COL14A1: variants seen among roughly 807,000 people sequenced by gnomAD.
COL14A1 encodes collagen type XIV alpha 1 chain, also known as collagen alpha-1(XIV) chain.
COL14A1 carries 136 observed loss-of-function variants against 230.3 expected under a neutral mutation model. The ratio of observed to expected loss-of-function variants is 0.59; its 90% confidence interval spans 0.51 to 0.68. COL14A1 has a LOEUF of 0.68. COL14A1 is among the 30% of genes least tolerant of loss of function. The probability of loss-of-function intolerance (pLI) is 0.00; values close to 1 mark genes in which losing one functional copy is unlikely to be tolerated. For missense variants in COL14A1, 1,976 were observed against 2,215.8 expected (o/e 0.89, Z 2.17); for synonymous variants, 792 against 784.1 (o/e 1.01, Z -0.17).
At chr8:120,278,266 A>G (rs1243473680) in intron 27 of COL14A1, 32 bp downstream of exon 27, 2 of 1,573,816 alleles carry the variant, frequency 1.3e-6, no homozygotes, top group South Asian at 1.2e-5. Context: ...CTAAGGCTCA[A>G]AGTAATTCAT....
chr8:120,135,453 T>G (rs1814677730), intron 1 of COL14A1, among the ~76,000 whole-genome samples: 1 of 152,074 alleles, frequency 6.6e-6, no homozygotes, highest in Admixed American at 6.6e-5. Context: ...TTAGTAGAGA[T>G]GGGGTGTCAC....
At chr8:120,237,180 C>T (rs1468760845) in intron 19 of COL14A1, among the ~76,000 whole-genome samples, 1 of 152,178 alleles carries the variant, frequency 6.6e-6, no homozygotes, top group East Asian at 1.9e-4. Flanking sequence ...GGGAAGTTCT[C>T]CTGGATAATA....
At chr8:120,133,133 G>A (rs770187093) in intron 1 of COL14A1, among the ~76,000 whole-genome samples, 4 of 151,484 alleles carry the variant, frequency 2.6e-5, no homozygotes, top group Non-Finnish European at 4.4e-5. Flanking sequence ...GGAGAATGGC[G>A]TGAACCCGGG....
In COL14A1 at chr8:120,370,242, A is replaced by G. The variant is rs1298491701; in HGVS notation, c.5311+757A>G. On this transcript the variant is annotated intron_variant, in intron 47 of 47. Coordinates refer to ENST00000297848, the MANE Select transcript of COL14A1 (RefSeq NM_021110.4). ...CTTCAGTAGAAATTTAACCTTAGTT[A>G]TCACAGGAATTGGTCAACAAAGTTT... The G allele has an allele frequency of 6.1e-6, 8 of 1,301,266 alleles. No homozygotes were observed. In the East Asian group the frequency reaches 1.9e-4, roughly 32 times the overall value. 80.6% of individuals were successfully genotyped at this position (1,301,266 alleles called of 1,614,324 possible). A position where few individuals can be genotyped will look rare whatever the true frequency, so the allele number is the denominator to read the frequency against.
intron 34 of COL14A1, among the ~76,000 whole-genome samples, chr8:120,292,279 A>G (rs1820397330): frequency 6.6e-6 from 1 of 152,164 alleles, no homozygotes; most frequent in Non-Finnish European, 1.5e-5. Context: ...ACTTTTGGCC[A>G]TGAGAGAAAT....
intron 40 of COL14A1, among the ~76,000 whole-genome samples, chr8:120,330,999 G>A (rs1434019412): frequency 2.6e-5 from 4 of 151,798 alleles, no homozygotes; most frequent in Non-Finnish European, 4.4e-5. Context: ...CACCTACTTC[G>A]GAGGCTGAGA....
At chr8:120,250,093 G>A (rs4871052) in intron 21 of COL14A1, among the ~76,000 whole-genome samples, 1 of 152,178 alleles carries the variant, frequency 6.6e-6, no homozygotes, top group Admixed American at 6.5e-5. Context: ...CTAATCAAGG[G>A]CCTTGGAATA....
chr8:120,209,480 C>G (rs28733025), intron 11 of COL14A1, among the ~76,000 whole-genome samples: 1,954 of 152,264 alleles, frequency 0.013, 53 homozygotes, highest in African/African-American at 0.045. Flanking sequence ...TCATAGATCC[C>G]TGTACAAGGA....
At chr8:120,229,014 G>A (rs1818177667) in intron 18 of COL14A1, among the ~76,000 whole-genome samples, 1 of 151,592 alleles carries the variant, frequency 6.6e-6, no homozygotes, top group Non-Finnish European at 1.5e-5. Context: ...TCTTTGTCTG[G>A]ATGCTCATGC....
intron 23 of COL14A1, among the ~76,000 whole-genome samples, chr8:120,259,196 T>C (rs372100305): frequency 4.6e-5 from 7 of 152,160 alleles, no homozygotes; most frequent in East Asian, 1.9e-4. Context: ...ATGGGGAGTA[T>C]AATTATTTAT....
rs553990675 is a variant in COL14A1 at position 120,276,112 on chromosome 8, T to TTA, written c.3214-1989_3214-1988dup. Among the ~76,000 whole-genome samples the TTA allele has an allele frequency of 1.6e-3, 241 of 150,646 alleles. 1 individual carries two copies. The highest frequency in any genetic ancestry group is 5.5e-3 in the African/African-American group (227 of 41,140). On this transcript the variant is annotated intron_variant, in intron 26 of 47. Coordinates refer to ENST00000297848, the MANE Select transcript of COL14A1 (RefSeq NM_021110.4). ...TGTCATCCAATGAGTAAAGACAATG[T>TTA]TATATATATATGTAAAAAAATATAT... is the stretch of plus-strand genomic sequence containing the variant.
intron 36 of COL14A1, among the ~76,000 whole-genome samples, chr8:120,308,433 A>G (rs1820919069): frequency 6.6e-6 from 1 of 152,260 alleles, no homozygotes; most frequent in South Asian, 2.1e-4. Context: ...TGCTATAATA[A>G]AAAATCACTA....
intron 5 of COL14A1, among the ~76,000 whole-genome samples, chr8:120,177,694 C>CTATATATATATATA (rs3030325): frequency 3.1e-5 from 4 of 129,388 alleles, no homozygotes; most frequent in Non-Finnish European, 4.8e-5. Context: ...TATAAAAAGA[C>CTATATATATATATA]TATATATATA....
intron 3 of COL14A1, 124 bp from the exon 4 acceptor site, chr8:120,162,302 A>G: frequency 1.4e-6 from 1 of 698,258 alleles, no homozygotes; most frequent in Non-Finnish European, 2.3e-6. Flanking sequence ...AAATATATAC[A>G]ATAAAACACA....
intron 12 of COL14A1, 21 bp downstream of exon 12, chr8:120,209,922 A>G (rs367645045): frequency 1.3e-6 from 2 of 1,545,624 alleles, no homozygotes; most frequent in Admixed American, 2.2e-5. Context: ...CCTACCTATT[A>G]CAGTCCTAGA....
intron 36 of COL14A1, among the ~76,000 whole-genome samples, chr8:120,305,558 C>T (rs1820833811): frequency 6.6e-6 from 1 of 152,072 alleles, no homozygotes; most frequent in Non-Finnish European, 1.5e-5. Flanking sequence ...CTTTAAATAG[C>T]ATATGCCAAG....
In COL14A1 at chr8:120,225,214, G is replaced by A. The variant is rs780226093; in HGVS notation, c.1864G>A (p.Glu622Lys). 41 of 1,610,012 alleles carry A rather than the reference G, an allele frequency of 2.5e-5. No individual in the cohort carries two copies. The highest frequency in any genetic ancestry group is 1.1e-5 in the Non-Finnish European group (13 of 1,178,726). Reference protein sequence around the residue: ...SEPLTGVFTTEEVPAQQYLEI... With the variant: ...SEPLTGVFTTKEVPAQQYLEI... ...GCCTCTGACTGGAGTTTTTACCACC[G>A]GTAAGCAGCCTCATTATGGTTTGAA... The change falls in exon 15 of 48, where the codon GAG becomes AAG. Residue 622 changes from glutamate to lysine, a missense_variant and splice_region_variant. Physicochemically the swap from Glu to Lys is moderately conservative, Grantham distance 56. Transcript: ENST00000297848.
At chr8:120,195,389 G>T (rs1303647246) in intron 5 of COL14A1, among the ~76,000 whole-genome samples, 1 of 152,008 alleles carries the variant, frequency 6.6e-6, no homozygotes, top group Non-Finnish European at 1.5e-5. Flanking sequence ...AAACCCCTCT[G>T]CCCGCCACAC....
intron 5 of COL14A1, among the ~76,000 whole-genome samples, chr8:120,174,522 A>T (rs754170366): frequency 6.6e-6 from 1 of 152,210 alleles, no homozygotes. Context: ...AATAAATACC[A>T]ATACACATTT....
Sources: gnomAD v4.1 joint callset for allele counts (sites outside exome capture counted in the v4.1 genomes callset) on GRCh38, gnomAD v4.1.1 for gene constraint, MANE v1.5 for transcripts, NCBI Gene and HGNC (gene_info 2026-07-23, HGNC 2026-07-21) for gene names.